Variants in CLDND1 observed in about 807,000 individuals in gnomAD.
CLDND1 encodes the protein claudin domain containing 1, also known as claudin domain-containing protein 1.
Under a neutral mutation model 26.3 loss-of-function variants are expected in CLDND1, and 13 were observed. That is an observed-to-expected ratio of 0.49 (90% CI 0.32 to 0.78). CLDND1 has a LOEUF of 0.78. Ranked by LOEUF, CLDND1 falls within the 30% of genes least tolerant of loss-of-function variation. The probability of loss-of-function intolerance (pLI) is 0.03; values close to 1 mark genes in which losing one functional copy is unlikely to be tolerated. For synonymous variants in CLDND1, 107 were observed against 107.0 expected, an observed-to-expected ratio of 1.00 and a Z score of 0.00; for missense variants, 289 against 312.8, an observed-to-expected ratio of 0.92 and a Z score of 0.57.
rs1054306146 is a variant in CLDND1, at chr3:98,521,568, AT to A, written c.-18-127del. The stretch of plus-strand genomic sequence containing the variant: ...CCCTTCGTACATATAACCATTAAGA[AT>A]TTTTTTTAGAAAGCAAGCATGTTTT... On this transcript the variant is annotated intron_variant, in intron 1 of 4. Coordinates refer to ENST00000341181, the MANE Select transcript of CLDND1 (RefSeq NM_001040181.2). 716 of 1,490,598 alleles carry A rather than the reference AT, an allele frequency of 4.8e-4. 2 individuals carry two copies. The highest frequency in any genetic ancestry group is 6.2e-4 in the Non-Finnish European group (663 of 1,075,616). The allele number at this position is 1,490,598 out of a possible 1,614,324, so 92.3% of individuals were successfully genotyped here. A position where few individuals can be genotyped will look rare whatever the true frequency, so the allele number is the denominator to read the frequency against.
chr3:98,521,560 C>T, intron 1 of CLDND1, 118 bp from the exon 2 acceptor site: 1 of 1,470,386 alleles, frequency 6.8e-7, no homozygotes, highest in Non-Finnish European at 9.5e-7. Flanking sequence ...TACATATAAC[C>T]ATTAAGAATT....
rs11553643 is a variant in CLDND1, at chr3:98,521,414, C to T, written c.11G>A (p.Arg4His). 19 of 1,613,810 alleles carry T rather than the reference C, an allele frequency of 1.2e-5. No homozygotes were observed. Among genetic ancestry groups the T allele is most frequent in the Admixed American group, 3.3e-5 (2 of 60,000 alleles). Residue 4 changes from arginine (R) to histidine (H), a missense_variant, in exon 2 of 5, where the codon CGT (arginine) becomes CAT (histidine). Arg to His is a conservative substitution (Grantham distance 29). Coordinates refer to ENST00000341181, the MANE Select transcript of CLDND1 (RefSeq NM_001040181.2). ...AGCAATTACAAATGCTGTAGCAAAA[C>T]GGTTATCCATTCTGGCATTCAGACT... MDN[R>H]FATAFVIACV...
At chr3:98,522,419 T>G in intron 1 of CLDND1, 2 of 550,230 alleles carry the variant, frequency 3.6e-6, no homozygotes, top group Non-Finnish European at 4.8e-6. Flanking sequence ...CTGGGGTTGC[T>G]GAGTTTGGAA....
At position 98,517,049 on chromosome 3, in the gene CLDND1, T is replaced by C. The variant is rs750099266; in HGVS notation, c.541+3A>G. ...AAAAGGTAAGTATGATGACAAAACC[T>C]ACCTGCAAGGAGATGGAGAATGCCC... is the stretch of plus-strand genomic sequence containing the variant. On this transcript the variant is annotated splice_donor_region_variant and intron_variant, in intron 4 of 4. Transcript: ENST00000341181. 5 of 1,613,684 alleles carry C rather than the reference T, an allele frequency of 3.1e-6. No homozygotes were observed. The highest frequency in any genetic ancestry group is 2.7e-5 in the African/African-American group (2 of 74,904).
At chr3:98,520,466 C>T (rs1706359899) in intron 2 of CLDND1, among the ~76,000 whole-genome samples, 1 of 152,134 alleles carries the variant, frequency 6.6e-6, no homozygotes, top group African/African-American at 2.4e-5. Flanking sequence ...AAAGTTGTTC[C>T]TTACAAAGAG....
At chr3:98,522,676 GTCCCCCGGT>G in intron 1 of CLDND1, 164 bp downstream of exon 1, 1 of 1,444,076 alleles carries the variant, frequency 6.9e-7, no homozygotes, top group African/African-American at 1.5e-5. Flanking sequence ...CCGGGCCAGG[GTCCCCCGGT>G]ACCCGACCAG....
At position 98,516,329 on chromosome 3, in the gene CLDND1, T is replaced by C. The variant is rs890145658; in HGVS notation, c.*330A>G. ...ACAGATACAGTTACTTTAGTTTTAC[T>C]GAAAAGTCTAACAGACATTAGCACA... On this transcript the variant is annotated 3_prime_UTR_variant, in exon 5 of 5. Transcript: ENST00000341181. 1.7e-4 allele frequency: 186 copies of C among 1,074,422 alleles called. No individual in the cohort carries two copies. Among genetic ancestry groups the C allele is most frequent in the Non-Finnish European group, 2.0e-4 (178 of 885,988 alleles). 66.6% of individuals were successfully genotyped at this position (1,074,422 alleles called of 1,614,324 possible). A position where few individuals can be genotyped will look rare whatever the true frequency, so the allele number is the denominator to read the frequency against.
Position 98,516,230 on chromosome 3 carries a change from A to G in CLDND1, c.*429T>C. ...AATACTGCTGGTTGACTGGCTATCTACAACAGCAAAGTGAACATAAAGTTT... is the reference window on the plus strand; with the variant it reads ...AATACTGCTGGTTGACTGGCTATCTGCAACAGCAAAGTGAACATAAAGTTT... On this transcript the variant is annotated 3_prime_UTR_variant, in exon 5 of 5. Transcript: ENST00000341181. 1.3e-5 allele frequency: 13 copies of G among 1,035,948 alleles called. No homozygotes were observed. Among genetic ancestry groups the G allele is most frequent in the Non-Finnish European group, 1.5e-5 (13 of 860,822 alleles). 64.2% of individuals were successfully genotyped at this position (1,035,948 alleles called of 1,614,324 possible). A position where few individuals can be genotyped will look rare whatever the true frequency, so the allele number is the denominator to read the frequency against.
chr3:98,522,371 A>T (rs1037656997), intron 1 of CLDND1: 5 of 240,218 alleles, frequency 2.1e-5, no homozygotes, highest in Non-Finnish European at 3.6e-5. Flanking sequence ...TGACCGCACC[A>T]AACACCTTAC....
chr3:98,516,941 T>C (rs1706166145), intron 4 of CLDND1, 62 bp from the exon 5 acceptor site: 7 of 1,608,854 alleles, frequency 4.4e-6, no homozygotes, highest in Non-Finnish European at 5.9e-6. Context: ...GTAAAGAGCT[T>C]TTCAGGCAAT....
intron 4 of CLDND1, 84 bp downstream of exon 4, chr3:98,516,968 T>G: frequency 1.2e-6 from 2 of 1,607,498 alleles, no homozygotes; most frequent in Non-Finnish European, 1.7e-6. Flanking sequence ...GGGCAGTTAA[T>G]ACGTGAACAT....
In CLDND1 at chr3:98,516,672, T is replaced by C. The variant is rs1706151906; in HGVS notation, c.749A>G (p.Tyr250Cys). The C allele has an allele frequency of 6.2e-7, 1 of 1,614,126 alleles. No individual in the cohort carries two copies. The highest frequency in any genetic ancestry group is 1.7e-4 in the Middle Eastern group (1 of 6,058). Residue 250 changes from tyrosine (Y) to cysteine (C), a missense_variant, in exon 5 of 5, where the codon TAT becomes TGT. Coordinates refer to ENST00000341181, the MANE Select transcript of CLDND1 (RefSeq NM_001040181.2). ...GCAGTTTCTTGCTCATGCCACACGA[T>C]ATGCCTTCATTAAGGTGTACTCTTT... ...NRKEYTLMKAYRVA is the reference protein window; with the variant it reads ...NRKEYTLMKACRVA
At position 98,521,194 on chromosome 3, in the gene CLDND1, C is replaced by G; in HGVS notation, c.231G>C (p.Leu77Phe). Residue 77 changes from leucine (L) to phenylalanine (F), a missense_variant, in exon 2 of 5, where the codon TTG (leucine) becomes TTC (phenylalanine). Physicochemically the swap from Leu to Phe is conservative, Grantham distance 22 (BLOSUM62 0). Coordinates refer to ENST00000341181, the MANE Select transcript of CLDND1 (RefSeq NM_001040181.2). ...TGGGTATGGTGATACACCGTCTCCA[C>G]AATCCCACTGTGCCATTGTATCGAA... is the stretch of plus-strand genomic sequence containing the variant. ...ALFRYNGTVG[L>F]WRRCITIPKN... 6.2e-7 allele frequency: 1 copy of G among 1,614,236 alleles called. No individual in the cohort carries two copies. The highest frequency in any genetic ancestry group is 1.7e-5 in the Admixed American group (1 of 60,026).
chr3:98,522,868 C>A lies in CLDND1; in HGVS notation c.-38G>T. ...ACTCACCGCCCATCCTCCTGCTCCG[C>A]CAGCTTCACCCTCTAGCTCAGACCA... On this transcript the variant is annotated 5_prime_UTR_variant, in exon 1 of 5. Coordinates refer to ENST00000341181, the MANE Select transcript of CLDND1 (RefSeq NM_001040181.2). The A allele has an allele frequency of 6.2e-7, 1 of 1,613,786 alleles. No homozygotes were observed. Among genetic ancestry groups the A allele is most frequent in the Non-Finnish European group, 8.5e-7 (1 of 1,179,740 alleles).
intron 2 of CLDND1, among the ~76,000 whole-genome samples, chr3:98,519,336 C>T (rs544132739): frequency 6.6e-6 from 1 of 152,278 alleles, no homozygotes; most frequent in Admixed American, 6.5e-5. Flanking sequence ...CAACCATATT[C>T]CCATCTCAGG....
intron 1 of CLDND1, chr3:98,522,621 G>A (rs1706473419): frequency 1.4e-6 from 2 of 1,389,536 alleles, no homozygotes; most frequent in Admixed American, 6.7e-5. Flanking sequence ...CCTCACGGCG[G>A]GGCCGGAGAA....
intron 1 of CLDND1, 91 bp from the exon 2 acceptor site, chr3:98,521,533 A>C (rs1706409345): frequency 1.3e-5 from 19 of 1,470,076 alleles, no homozygotes; most frequent in Non-Finnish European, 1.6e-5. Flanking sequence ...CCCTTTACCC[A>C]ATTCCCCATC....
chr3:98,522,549 G>A (rs1282492642), intron 1 of CLDND1: 4 of 1,327,938 alleles, frequency 3.0e-6, no homozygotes, highest in Admixed American at 3.9e-5. Flanking sequence ...GACCTTAAAG[G>A]GTCCCAGCAC....
intron 2 of CLDND1, among the ~76,000 whole-genome samples, chr3:98,519,805 T>C (rs1706324843): frequency 6.6e-6 from 1 of 152,218 alleles, no homozygotes; most frequent in African/African-American, 2.4e-5. Flanking sequence ...GCCTTTGCAG[T>C]AGATGTCCTT....
Sources: allele counts gnomAD v4.1 joint callset (sites outside exome capture counted in the v4.1 genomes callset), GRCh38; gene constraint gnomAD v4.1.1; transcripts MANE v1.5; gene names NCBI Gene and HGNC (gene_info 2026-07-23, HGNC 2026-07-21).